The following SPATA16 variants were observed in gnomAD, a reference collection of about 807,000 sequenced individuals.
SPATA16 encodes spermatogenesis associated 16, also known as spermatogenesis-associated protein 16.
A neutral mutation model predicts 63.3 loss-of-function variants in SPATA16; 36 were observed. The ratio of observed to expected loss-of-function variants is 0.57; its 90% CI spans 0.44 to 0.75. The LOEUF is 0.75. Among genes scored for constraint, SPATA16 ranks in the 30% least tolerant of loss-of-function variants. SPATA16 has a pLI of 0.00. For synonymous variants in SPATA16, 203 were observed against 216.7 expected (o/e 0.94, Z 0.56); for missense variants, 646 against 679.3 (o/e 0.95, Z 0.54).
intron 1 of SPATA16, among the ~76,000 whole-genome samples, chr3:173,134,454 A>G (rs1738478870): frequency 6.6e-6 from 1 of 151,588 alleles, no homozygotes; most frequent in Non-Finnish European, 1.5e-5. Context: ...GCACCACTGC[A>G]CTCCGGCCTG....
intron 2 of SPATA16, among the ~76,000 whole-genome samples, chr3:173,085,989 C>CTT (rs1737040452): frequency 3.5e-5 from 5 of 142,732 alleles, no homozygotes; most frequent in African/African-American, 1.1e-4. Flanking sequence ...TTCTTTCTTT[C>CTT]TTTCTTTTGT....
intron 4 of SPATA16, among the ~76,000 whole-genome samples, chr3:172,996,536 G>A (rs1734696997): frequency 1.3e-5 from 2 of 152,032 alleles, no homozygotes; most frequent in African/African-American, 4.8e-5. Flanking sequence ...TGAGTGGAAA[G>A]TACAGAGTTC....
intron 4 of SPATA16, among the ~76,000 whole-genome samples, chr3:172,992,623 G>A (rs954003455): frequency 2.0e-5 from 3 of 152,106 alleles, no homozygotes; most frequent in Non-Finnish European, 4.4e-5. Context: ...GCTTCTTACT[G>A]AGTTTATATA....
chr3:172,992,361 A>C (rs1394338339), intron 4 of SPATA16, among the ~76,000 whole-genome samples: 1 of 152,162 alleles, frequency 6.6e-6, no homozygotes, highest in Non-Finnish European at 1.5e-5. Flanking sequence ...GCTTTTAAGG[A>C]AAGCAATAAA....
At chr3:172,979,828 GTAT>G (rs1734257323) in intron 4 of SPATA16, among the ~76,000 whole-genome samples, 2 of 152,102 alleles carry the variant, frequency 1.3e-5, no homozygotes, top group Non-Finnish European at 2.9e-5. Context: ...TGAAGCATAA[GTAT>G]TATAAGAGCA....
At chr3:173,099,960 C>T (rs1452815086) in intron 2 of SPATA16, among the ~76,000 whole-genome samples, 3 of 152,154 alleles carry the variant, frequency 2.0e-5, no homozygotes, top group Admixed American at 6.6e-5. Flanking sequence ...CTGTGTGATT[C>T]CCTAAATGGA....
intron 3 of SPATA16, among the ~76,000 whole-genome samples, chr3:173,028,023 T>TTCTTTCC (rs1553794825): frequency 2.7e-5 from 1 of 36,656 alleles, no homozygotes; most frequent in African/African-American, 1.2e-4. Context: ...CCCTTCCTTC[T>TTCTTTCC]TTCCTTCCTT....
In SPATA16 at chr3:173,117,627, C is replaced by A. The variant is rs141312480; in HGVS notation, c.105G>T (p.Ala35=). The A allele has an allele frequency of 1.9e-6, 3 of 1,613,846 alleles. No homozygotes were observed. The highest frequency in any genetic ancestry group is 3.3e-5 in the Admixed American group (2 of 59,992). Residue 35 remains alanine (A), a synonymous_variant, in exon 2 of 11, where the codon GCG becomes GCT. Coordinates refer to ENST00000351008, the MANE Select transcript of SPATA16 (RefSeq NM_031955.6). ...INTSKKMSTL[A]HPPNILEMSQ... ...ACATTTCCAGGATGTTAGGTGGGTG[C>A]GCTAAGGTGGACATTTTCTTGCTTG...
intron 4 of SPATA16, among the ~76,000 whole-genome samples, chr3:172,979,697 T>A (rs531281421): frequency 6.6e-6 from 1 of 152,332 alleles, no homozygotes; most frequent in Admixed American, 6.5e-5. Context: ...GCTACATTCT[T>A]AAGTGTGCTT....
intron 10 of SPATA16, among the ~76,000 whole-genome samples, chr3:172,909,053 A>G (rs1732302987): frequency 6.6e-6 from 1 of 152,136 alleles, no homozygotes; most frequent in South Asian, 2.1e-4. Flanking sequence ...AGTGATGATC[A>G]TTATCAGGAC....
At chr3:173,097,521 T>C (rs1294892417) in intron 2 of SPATA16, among the ~76,000 whole-genome samples, 1 of 152,198 alleles carries the variant, frequency 6.6e-6, no homozygotes, top group Admixed American at 6.6e-5. Flanking sequence ...CCATAGTTCA[T>C]GATAAGTGCT....
At chr3:172,953,156 T>C (rs1733482986) in intron 6 of SPATA16, among the ~76,000 whole-genome samples, 1 of 152,080 alleles carries the variant, frequency 6.6e-6, no homozygotes, top group African/African-American at 2.4e-5. Flanking sequence ...CATGCTGAAG[T>C]ATAGCTTACT....
At chr3:172,890,308 A>C (rs557613795) in intron 10 of SPATA16, among the ~76,000 whole-genome samples, 31 of 152,334 alleles carry the variant, frequency 2.0e-4, no homozygotes, top group African/African-American at 7.5e-4. Context: ...CTTCAAAGAA[A>C]ACTTGCAATT....
intron 6 of SPATA16, among the ~76,000 whole-genome samples, chr3:172,954,176 T>G (rs1733516560): frequency 6.6e-6 from 1 of 152,210 alleles, no homozygotes; most frequent in Admixed American, 6.5e-5. Flanking sequence ...GAAAGAGGTT[T>G]AATTGACTCA....
intron 3 of SPATA16, among the ~76,000 whole-genome samples, chr3:173,042,066 C>T (rs560472811): frequency 2.6e-5 from 4 of 152,056 alleles, no homozygotes; most frequent in Admixed American, 6.5e-5. Context: ...CTAAAACTCA[C>T]GGGTATCTGT....
chr3:173,025,792 C>G (rs1735437663), intron 3 of SPATA16, among the ~76,000 whole-genome samples: 1 of 151,928 alleles, frequency 6.6e-6, no homozygotes, highest in African/African-American at 2.4e-5. Context: ...CAATAGTTTG[C>G]TTCCTTTTAC....
At chr3:173,045,872 T>A (rs767640872) in intron 3 of SPATA16, among the ~76,000 whole-genome samples, 4 of 152,140 alleles carry the variant, frequency 2.6e-5, no homozygotes, top group Non-Finnish European at 5.9e-5. Context: ...ATAAGTTTTT[T>A]AAAATGAATG....
intron 4 of SPATA16, among the ~76,000 whole-genome samples, chr3:172,977,470 C>T (rs928797809): frequency 6.6e-6 from 1 of 152,082 alleles, no homozygotes; most frequent in Non-Finnish European, 1.5e-5. Context: ...AAGCATATCT[C>T]AGACTTTACC....
chr3:172,925,475 T>A lies in SPATA16; in HGVS notation c.1099A>T (p.Met367Leu). 1 of 1,613,974 alleles carries A rather than the reference T, an allele frequency of 6.2e-7. No homozygotes were observed. The change falls in exon 7 of 11, where the codon ATG (methionine) becomes TTG (leucine). Residue 367 changes from methionine to leucine, a missense_variant. Coordinates refer to ENST00000351008, the MANE Select transcript of SPATA16 (RefSeq NM_031955.6). ...YMYTDLQALHMLPQTVDWSSF... is the reference protein window; with the variant it reads ...YMYTDLQALHLLPQTVDWSSF... ...GACCAGTCAACTGTCTGAGGCAACA[T>A]GTGGAGTGCTTGAAGATCTGAAATA...
Sources: gnomAD v4.1 joint callset for allele counts (sites outside exome capture counted in the v4.1 genomes callset) on GRCh38, gnomAD v4.1.1 for gene constraint, MANE v1.5 for transcripts, NCBI Gene and HGNC (gene_info 2026-07-23, HGNC 2026-07-21) for gene names.